The following NRCAM variants were observed in gnomAD, a reference collection of about 807,000 sequenced individuals.
NRCAM encodes neuronal cell adhesion molecule.
In NRCAM, 83 loss-of-function variants were observed where a neutral mutation model predicts 156.5. That is an observed-to-expected ratio of 0.53 (90% CI 0.44 to 0.64). The LOEUF is 0.64. Ranked by LOEUF, NRCAM falls within the 30% of genes least tolerant of loss-of-function variation. The probability of loss-of-function intolerance (pLI) is 0.00; values close to 1 mark genes in which losing one functional copy is unlikely to be tolerated. For missense variants in NRCAM, 1,417 were observed against 1,597.3 expected (o/e 0.89, Z 1.92); for synonymous variants, 538 against 563.9 (o/e 0.95, Z 0.65).
At chr7:108,312,123 A>G (rs60421046) in intron 3 of NRCAM, among the ~76,000 whole-genome samples, 1 of 152,186 alleles carries the variant, frequency 6.6e-6, no homozygotes, top group African/African-American at 2.4e-5. Context: ...ACAGCGGGGT[A>G]GGAAATAAGA....
chr7:108,387,936 A>G (rs1254969493), intron 2 of NRCAM, among the ~76,000 whole-genome samples: 2 of 152,018 alleles, frequency 1.3e-5, no homozygotes, highest in Non-Finnish European at 2.9e-5. Context: ...TATGTGCCAC[A>G]TTTTCTTAAT....
At chr7:108,231,010 G>C in intron 8 of NRCAM, 21 bp downstream of exon 8, 1 of 1,562,668 alleles carries the variant, frequency 6.4e-7, no homozygotes, top group Non-Finnish European at 8.8e-7. Flanking sequence ...AAGAAAGAAA[G>C]TTCATATTAT....
chr7:108,153,225 A>C (rs539212610), intron 32 of NRCAM, among the ~76,000 whole-genome samples: 10 of 152,300 alleles, frequency 6.6e-5, no homozygotes, highest in African/African-American at 1.9e-4. Flanking sequence ...CAAATTTAGC[A>C]ATCTATGAAA....
intron 2 of NRCAM, among the ~76,000 whole-genome samples, chr7:108,326,793 A>G (rs1255030280): frequency 6.6e-6 from 1 of 152,178 alleles, no homozygotes; most frequent in Non-Finnish European, 1.5e-5. Flanking sequence ...ATTCCTATTT[A>G]TAATTCACAG....
At position 108,239,993 on chromosome 7, in the gene NRCAM, G is replaced by T. The variant is rs1459070764; in HGVS notation, c.72C>A (p.Cys24Ter). ...GTACTTCCAGTGCACTAATCATCTG[G>T]CACAGGAAGAGAATCAGGGGCACTC... ...AGRVPLILFL[C>*]QMISALEVPL... Residue 24 changes from cysteine (C) to a stop codon, truncating the protein, a stop_gained, in exon 4 of 33, where the codon TGC becomes TGA. Coordinates refer to ENST00000379028, the MANE Select transcript of NRCAM (RefSeq NM_001037132.4). LOFTEE classifies it high-confidence loss of function. 1 of 1,613,018 alleles carries T rather than the reference G, an allele frequency of 6.2e-7. No homozygotes were observed. Among genetic ancestry groups the T allele is most frequent in the Non-Finnish European group, 8.5e-7 (1 of 1,179,194 alleles).
chr7:108,262,244 G>T (rs1372598654), intron 3 of NRCAM, among the ~76,000 whole-genome samples: 9 of 152,046 alleles, frequency 5.9e-5, no homozygotes, highest in Admixed American at 5.9e-4. Context: ...CATGCTCCCA[G>T]GGTGCATCAC....
intron 2 of NRCAM, among the ~76,000 whole-genome samples, chr7:108,337,766 C>T (rs1444274740): frequency 3.9e-5 from 6 of 152,114 alleles, no homozygotes; most frequent in South Asian, 4.2e-4. Flanking sequence ...GGGAAGCGGC[C>T]TGCCACCATC....
At chr7:108,417,455 G>A (rs943641538) in intron 1 of NRCAM, among the ~76,000 whole-genome samples, 1 of 152,158 alleles carries the variant, frequency 6.6e-6, no homozygotes, top group African/African-American at 2.4e-5. Context: ...ACCTATAAGG[G>A]TGGAGCCCTC....
At chr7:108,308,862 T>C (rs945017451) in intron 3 of NRCAM, among the ~76,000 whole-genome samples, 8 of 152,188 alleles carry the variant, frequency 5.3e-5, no homozygotes, top group African/African-American at 1.9e-4. Context: ...GAGGCAGAAA[T>C]GAGATGCCTA....
chr7:108,308,368 G>A (rs1232481285), intron 3 of NRCAM, among the ~76,000 whole-genome samples: 1 of 152,190 alleles, frequency 6.6e-6, no homozygotes, highest in Non-Finnish European at 1.5e-5. Context: ...GTACAGCAAG[G>A]AAAAGAAATC....
In NRCAM at chr7:108,149,473, A is replaced by C; in HGVS notation, c.*437T>G. The C allele has an allele frequency of 5.9e-6, 1 of 170,450 alleles. No individual in the cohort carries two copies. Among genetic ancestry groups the C allele is most frequent in the Non-Finnish European group, 1.3e-5 (1 of 78,690 alleles). The allele number at this position is 170,450 out of a possible 1,614,324, so 10.6% of individuals were successfully genotyped here. On this transcript the variant is annotated 3_prime_UTR_variant, in exon 33 of 33. Transcript: ENST00000379028. ...AGACATTGAAGTTCTAGAGAATACT[A>C]CAGTAACATTCTTGACAATGAAAAC...
At chr7:108,368,224 A>AC (rs67897117) in intron 2 of NRCAM, among the ~76,000 whole-genome samples, 54,242 of 90,884 alleles carry the variant, frequency 0.6, 15,242 homozygotes, top group Non-Finnish European at 0.67. Context: ...ACACTTTCAT[A>AC]CCCCCCCCCA....
intron 1 of NRCAM, among the ~76,000 whole-genome samples, chr7:108,409,003 G>A (rs987010575): frequency 6.6e-6 from 1 of 152,146 alleles, no homozygotes; most frequent in African/African-American, 2.4e-5. Flanking sequence ...GGAACGAGGG[G>A]TGTGACATAT....
intron 2 of NRCAM, among the ~76,000 whole-genome samples, chr7:108,333,665 T>C (rs939520661): frequency 3.3e-5 from 5 of 152,168 alleles, no homozygotes; most frequent in African/African-American, 1.2e-4. Context: ...GAGCATTAGG[T>C]TAGAATCTGT....
intron 3 of NRCAM, among the ~76,000 whole-genome samples, chr7:108,271,627 A>G (rs2097353838): frequency 6.6e-6 from 1 of 151,776 alleles, no homozygotes; most frequent in African/African-American, 2.4e-5. Flanking sequence ...TGGGAGGCAG[A>G]GGTTGCAGTA....
In NRCAM at chr7:108,356,421, T is replaced by C. The variant is rs185846655; in HGVS notation, c.-174+43015A>G. On this transcript the variant is annotated intron_variant, in intron 2 of 32. Transcript: ENST00000379028. ...AGTGTATATAGGGTTCAGTACTATC[T>C]GCAGTTTCAGGCATCCACTAGAGGT... is the stretch of plus-strand genomic sequence containing the variant. Among the ~76,000 whole-genome samples, 1,228 of 152,330 alleles carry C rather than the reference T, an allele frequency of 8.1e-3. 65 individuals are homozygous for C. Among genetic ancestry groups the C allele is most frequent in the Admixed American group, 0.074 (1,135 of 15,298 alleles).
At chr7:108,211,724 AC>A (rs1177600523) in intron 11 of NRCAM, among the ~76,000 whole-genome samples, 2 of 151,112 alleles carry the variant, frequency 1.3e-5, no homozygotes, top group Non-Finnish European at 3.0e-5. Context: ...TGGGAACCTC[AC>A]CCCCTCCCCC....
At chr7:108,306,837 T>A (rs2098721508) in intron 3 of NRCAM, among the ~76,000 whole-genome samples, 1 of 152,232 alleles carries the variant, frequency 6.6e-6, no homozygotes, top group Admixed American at 6.5e-5. Context: ...AAGTGTCTAA[T>A]GGGCAATCCA....
chr7:108,291,367 A>G (rs1312807705), intron 3 of NRCAM, among the ~76,000 whole-genome samples: 1 of 152,230 alleles, frequency 6.6e-6, no homozygotes, highest in Non-Finnish European at 1.5e-5. Flanking sequence ...TAGCCAGCGA[A>G]CAAGCAAATG....
Sources: allele counts gnomAD v4.1 joint callset (sites outside exome capture counted in the v4.1 genomes callset), GRCh38; gene constraint gnomAD v4.1.1; transcripts MANE v1.5; gene names NCBI Gene and HGNC (gene_info 2026-07-23, HGNC 2026-07-21).